The following CNGB3 variants were observed in gnomAD, a reference collection of about 807,000 sequenced individuals.
CNGB3 encodes the protein cyclic nucleotide gated channel subunit beta 3.
A neutral mutation model predicts 92.8 loss-of-function variants in CNGB3; 86 were observed. The ratio of observed to expected loss-of-function variants is 0.93; its 90% CI spans 0.78 to 1.11. The LOEUF (loss-of-function observed/expected upper bound fraction) is 1.11, where lower values mean the gene tolerates loss of function less well. Ranked by LOEUF, CNGB3 falls within the 50% of genes least tolerant of loss-of-function variation. The probability of loss-of-function intolerance (pLI) is 0.00; values close to 1 mark genes in which losing one functional copy is unlikely to be tolerated. For missense variants in CNGB3, 1,026 were observed against 956.8 expected (o/e 1.07, Z -0.95); for synonymous variants, 333 against 332.7 (o/e 1.00, Z -0.01).
At chr8:86,693,631 G>A (rs2131640217) in intron 3 of CNGB3, among the ~76,000 whole-genome samples, 1 of 150,658 alleles carries the variant, frequency 6.6e-6, no homozygotes, top group East Asian at 2.0e-4. Flanking sequence ...CTTAAGATTA[G>A]GGAGTGGTGA....
chr8:86,677,491 T>C (rs1027537064), intron 3 of CNGB3, among the ~76,000 whole-genome samples: 1 of 152,084 alleles, frequency 6.6e-6, no homozygotes, highest in Non-Finnish European at 1.5e-5. Flanking sequence ...TTGAACTAGG[T>C]TGAAATCACC....
chr8:86,614,709 G>A (rs1332904840), intron 13 of CNGB3, among the ~76,000 whole-genome samples: 2 of 152,058 alleles, frequency 1.3e-5, no homozygotes, highest in South Asian at 2.1e-4. Flanking sequence ...CAACGGCATC[G>A]GCCAATATAA....
intron 5 of CNGB3, among the ~76,000 whole-genome samples, chr8:86,667,429 G>A (rs989055512): frequency 2.0e-5 from 3 of 152,306 alleles, no homozygotes; most frequent in Non-Finnish European, 2.9e-5. Flanking sequence ...ATCAGGCAAC[G>A]AGAATTTCAA....
At chr8:86,604,415 G>T (rs1179232954) in intron 14 of CNGB3, among the ~76,000 whole-genome samples, 2 of 152,172 alleles carry the variant, frequency 1.3e-5, no homozygotes. Context: ...TTAGGAAGAT[G>T]ATACTTCTCA....
At chr8:86,741,212 C>A (rs1042839815) in intron 1 of CNGB3, among the ~76,000 whole-genome samples, 1 of 152,086 alleles carries the variant, frequency 6.6e-6, no homozygotes. Flanking sequence ...TGTTTAAATG[C>A]CATTTTGAAA....
rs958145231 is a variant in CNGB3, at chr8:86,696,426, C to T, written c.339-25328G>A. On this transcript the variant is annotated intron_variant, in intron 3 of 17. Transcript: ENST00000320005. ...CCCAAGAGCTTACGTCTTTTGTCTT[C>T]AGGGTTTTTTGGCTGGTTTTTGGCA... Among the ~76,000 whole-genome samples the T allele has an allele frequency of 1.4e-4, 21 of 152,170 alleles. 1 individual carries two copies. Among genetic ancestry groups the T allele is most frequent in the Admixed American group, 1.4e-3 (21 of 15,280 alleles).
At chr8:86,709,717 C>T (rs770704461) in intron 3 of CNGB3, among the ~76,000 whole-genome samples, 27 of 151,914 alleles carry the variant, frequency 1.8e-4, no homozygotes, top group Non-Finnish European at 2.9e-4. Context: ...TAAATGAAAA[C>T]ATTACCTTTC....
chr8:86,657,330 G>A (rs1823529930), intron 6 of CNGB3: 1 of 410,358 alleles, frequency 2.4e-6, no homozygotes, highest in Admixed American at 2.8e-5. Flanking sequence ...ACCTGGTGGG[G>A]ATGGAGCCTC....
At chr8:86,618,526 C>T (rs1384299753) in intron 13 of CNGB3, among the ~76,000 whole-genome samples, 6 of 152,256 alleles carry the variant, frequency 3.9e-5, no homozygotes, top group African/African-American at 1.2e-4. Flanking sequence ...CCCTCCCTAT[C>T]GGAGGGCTCC....
At chr8:86,739,169 T>C (rs992920876) in intron 2 of CNGB3, among the ~76,000 whole-genome samples, 34 of 152,144 alleles carry the variant, frequency 2.2e-4, no homozygotes, top group African/African-American at 8.2e-4. Context: ...CCCTGTAGAA[T>C]CGAGTGTGGT....
intron 3 of CNGB3, among the ~76,000 whole-genome samples, chr8:86,694,413 C>T (rs560461857): frequency 6.9e-4 from 104 of 151,446 alleles, no homozygotes; most frequent in Non-Finnish European, 5.9e-4. Context: ...ACCCCCACCT[C>T]CCTCCCGGAC....
intron 2 of CNGB3, 106 bp downstream of exon 2, chr8:86,739,549 T>C: frequency 6.5e-7 from 1 of 1,527,054 alleles, no homozygotes; most frequent in Non-Finnish European, 8.8e-7. Context: ...TGACCCTAGA[T>C]AATTCACCTA....
intron 3 of CNGB3, among the ~76,000 whole-genome samples, chr8:86,713,153 G>T (rs1208121114): frequency 1.3e-5 from 2 of 152,124 alleles, no homozygotes; most frequent in Non-Finnish European, 2.9e-5. Context: ...AACTATAGGA[G>T]ATGTTTTCTA....
rs149563626 is a variant in CNGB3 at position 86,634,395 on chromosome 8, G to A, written c.1179-1502C>T. On this transcript the variant is annotated intron_variant, in intron 10 of 17. Coordinates refer to ENST00000320005, the MANE Select transcript of CNGB3 (RefSeq NM_019098.5). Reference sequence around the variant, plus strand: ...AGCTATGATGTTTGGTAGGTTAGGTGTATTAACTGCATTTTTGGCTTGCAA... The same window carrying A: ...AGCTATGATGTTTGGTAGGTTAGGTATATTAACTGCATTTTTGGCTTGCAA... 9.1e-3 allele frequency among the ~76,000 whole-genome samples: 1,386 copies of A among 152,246 alleles called. 19 individuals carry two copies. Among genetic ancestry groups the A allele is most frequent in the African/African-American group, 0.032 (1,310 of 41,552 alleles).
At chr8:86,611,141 C>T (rs1368902879) in intron 14 of CNGB3, among the ~76,000 whole-genome samples, 1 of 151,986 alleles carries the variant, frequency 6.6e-6, no homozygotes, top group Non-Finnish European at 1.5e-5. Flanking sequence ...AATGAACATG[C>T]ATTATTTTGT....
intron 15 of CNGB3, among the ~76,000 whole-genome samples, chr8:86,589,317 G>GT (rs1191745909): frequency 2.7e-5 from 4 of 150,250 alleles, no homozygotes; most frequent in Non-Finnish European, 4.4e-5. Context: ...TTTTTGAAGG[G>GT]TTTTTTGTGT....
chr8:86,648,877 G>C (rs1460313431), intron 7 of CNGB3, among the ~76,000 whole-genome samples: 24 of 151,414 alleles, frequency 1.6e-4, no homozygotes, highest in Admixed American at 1.6e-3. Context: ...ACTGTTCGCT[G>C]ATGATATGAT....
chr8:86,664,832 T>G (rs1220182772), intron 6 of CNGB3, among the ~76,000 whole-genome samples: 2 of 152,130 alleles, frequency 1.3e-5, no homozygotes, highest in Non-Finnish European at 2.9e-5. Flanking sequence ...CCCATATCTG[T>G]GAGGGGTGTG....
At chr8:86,640,480 G>A (rs1823160154) in intron 10 of CNGB3, among the ~76,000 whole-genome samples, 2 of 151,986 alleles carry the variant, frequency 1.3e-5, no homozygotes, top group Non-Finnish European at 2.9e-5. Context: ...ATCCAGCATG[G>A]TAAGGAAGTC....
Sources: gnomAD v4.1 joint callset for allele counts (sites outside exome capture counted in the v4.1 genomes callset) on GRCh38, gnomAD v4.1.1 for gene constraint, MANE v1.5 for transcripts, NCBI Gene and HGNC (gene_info 2026-07-23, HGNC 2026-07-21) for gene names.